CDC123: variants seen among roughly 807,000 people sequenced by gnomAD.
CDC123 encodes translation initiation factor eIF2 assembly protein.
In CDC123, 37 loss-of-function variants were observed where a neutral mutation model predicts 54.4. The ratio of observed to expected loss-of-function variants is 0.68; its 90% CI spans 0.52 to 0.89. The LOEUF (loss-of-function observed/expected upper bound fraction) is 0.89, where lower values mean the gene tolerates loss of function less well. Ranked by LOEUF, CDC123 falls within the 40% of genes least tolerant of loss-of-function variation. The pLI is 0.00. For synonymous variants in CDC123, 144 were observed against 136.8 expected (o/e 1.05, Z -0.37); for missense variants, 361 against 412.1 (o/e 0.88, Z 1.07).
chr10:12,211,876 A>G (rs1835607278), intron 4 of CDC123, among the ~76,000 whole-genome samples: 1 of 152,122 alleles, frequency 6.6e-6, no homozygotes. Context: ...TGGGAGGCCA[A>G]GGTGGGTGGA....
At chr10:12,233,166 T>C (rs1835925548) in intron 7 of CDC123, among the ~76,000 whole-genome samples, 1 of 152,150 alleles carries the variant, frequency 6.6e-6, no homozygotes, top group East Asian at 1.9e-4. Flanking sequence ...ATATAAGATT[T>C]AAAACCTAGT....
chr10:12,249,902 T>C, intron 12 of CDC123, 184 bp downstream of exon 12: 4 of 747,322 alleles, frequency 5.4e-6, no homozygotes, highest in Non-Finnish European at 8.1e-6. Context: ...CATAATTTAT[T>C]GATTAGAATG....
At chr10:12,219,712 TCTCA>T (rs1337675563) in intron 6 of CDC123, among the ~76,000 whole-genome samples, 3 of 136,906 alleles carry the variant, frequency 2.2e-5, no homozygotes, top group Non-Finnish European at 4.7e-5. Flanking sequence ...TTTGACGGAG[TCTCA>T]CTCTGTCGCC....
At chr10:12,241,282 T>C (rs1365214296) in intron 10 of CDC123, among the ~76,000 whole-genome samples, 1 of 152,240 alleles carries the variant, frequency 6.6e-6, no homozygotes, top group Non-Finnish European at 1.5e-5. Flanking sequence ...AGGCACTGTT[T>C]ATGTATTACA....
chr10:12,200,575 A>G (rs1426295266), intron 2 of CDC123, among the ~76,000 whole-genome samples: 1 of 152,218 alleles, frequency 6.6e-6, no homozygotes, highest in Non-Finnish European at 1.5e-5. Flanking sequence ...AAGAGCTCCT[A>G]TGATGATTCT....
intron 6 of CDC123, among the ~76,000 whole-genome samples, chr10:12,230,747 A>G (rs146322883): frequency 1.4e-3 from 210 of 152,332 alleles, no homozygotes; most frequent in African/African-American, 4.8e-3. Context: ...TCGATGATTA[A>G]ATGAGTTCAT....
chr10:12,200,953 T>G (rs945117667), intron 2 of CDC123, among the ~76,000 whole-genome samples: 5 of 152,050 alleles, frequency 3.3e-5, no homozygotes, highest in African/African-American at 1.2e-4. Flanking sequence ...AAAGTACTGT[T>G]AAACAACACG....
In CDC123 at chr10:12,206,696, T is replaced by C. The variant is rs145664976; in HGVS notation, c.147-3271T>C. 5.8e-3 allele frequency among the ~76,000 whole-genome samples: 889 copies of C among 152,232 alleles called. 5 individuals are homozygous for C. The highest frequency in any genetic ancestry group is 8.4e-3 in the Non-Finnish European group (568 of 68,010). The stretch of plus-strand genomic sequence containing the variant: ...GCATGAGGTCAGATGCGGTGGCTTA[T>C]GCCTGTAATCCCAGTGCTTTAGGAG... On this transcript the variant is annotated intron_variant, in intron 2 of 12. Coordinates refer to ENST00000281141, the MANE Select transcript of CDC123 (RefSeq NM_006023.3).
intron 1 of CDC123, among the ~76,000 whole-genome samples, chr10:12,197,928 G>A (rs961228184): frequency 2.0e-5 from 3 of 152,080 alleles, no homozygotes; most frequent in East Asian, 1.9e-4. Flanking sequence ...ATAAGTCATT[G>A]ATGTTCTGTT....
At chr10:12,238,627 G>A in intron 10 of CDC123, 142 bp downstream of exon 10, 5 of 984,818 alleles carry the variant, frequency 5.1e-6, no homozygotes, top group Non-Finnish European at 7.2e-6. Flanking sequence ...TGTATTCCCA[G>A]CACTTTGGGA....
chr10:12,230,504 G>A (rs1273768730), intron 6 of CDC123, among the ~76,000 whole-genome samples: 1 of 152,192 alleles, frequency 6.6e-6, no homozygotes, highest in Non-Finnish European at 1.5e-5. Context: ...GGGGTACATG[G>A]CATGTTTTGA....
chr10:12,225,990 C>G (rs1255367321), intron 6 of CDC123, among the ~76,000 whole-genome samples: 1 of 151,920 alleles, frequency 6.6e-6, no homozygotes, highest in East Asian at 1.9e-4. Context: ...CTTCAAGCAT[C>G]TGTTTAACAA....
At chr10:12,244,873 C>T (rs1393957231) in intron 10 of CDC123, 2 of 151,948 alleles carry the variant, frequency 1.3e-5, no homozygotes, top group African/African-American at 4.8e-5. Flanking sequence ...GCCAAGCATA[C>T]TGGCGCATGC....
chr10:12,238,877 C>CCA (rs1441567536), intron 10 of CDC123, among the ~76,000 whole-genome samples: 3 of 151,884 alleles, frequency 2.0e-5, no homozygotes, highest in African/African-American at 7.3e-5. Context: ...AAAAAATGAG[C>CCA]CAGGCATGGT....
At chr10:12,221,139 C>CA (rs549336570) in intron 6 of CDC123, among the ~76,000 whole-genome samples, 31 of 144,064 alleles carry the variant, frequency 2.2e-4, no homozygotes, top group East Asian at 8.0e-4. Context: ...CTTGACTTGA[C>CA]AAAAAAAAAA....
In CDC123 at chr10:12,230,085, A is replaced by G. The variant is rs541964234; in HGVS notation, c.441-863A>G. Among the ~76,000 whole-genome samples, 5 of 152,286 alleles carry G rather than the reference A, an allele frequency of 3.3e-5. No homozygotes were observed. In the South Asian group the frequency reaches 1.0e-3, roughly 32 times the overall value. On this transcript the variant is annotated intron_variant, in intron 6 of 12. Coordinates refer to ENST00000281141, the MANE Select transcript of CDC123 (RefSeq NM_006023.3). ...GCCTTTTGACAGAAAAATGGACATT[A>G]TGCTATCTCTATGGTTATAATAGCC...
intron 9 of CDC123, chr10:12,237,557 C>T: frequency 6.0e-6 from 1 of 165,906 alleles, no homozygotes; most frequent in Non-Finnish European, 1.3e-5. Context: ...CCTCAGCCTC[C>T]CAAGTAGCTG....
rs1835343417 is a variant in CDC123, at chr10:12,196,291, C to T, written c.46C>T (p.Pro16Ser). 1 of 1,613,636 alleles carries T rather than the reference C, an allele frequency of 6.2e-7. No individual in the cohort carries two copies. The highest frequency in any genetic ancestry group is 8.5e-7 in the Non-Finnish European group (1 of 1,179,846). Residue 16 changes from proline (P) to serine (S), a missense_variant, in exon 1 of 13, where the codon CCG (proline) becomes TCG (serine). Pro to Ser is a moderately conservative substitution (Grantham distance 74). Coordinates refer to ENST00000281141, the MANE Select transcript of CDC123 (RefSeq NM_006023.3). Reference protein sequence around the residue: ...VLHCQFSAWYPFFRGVTIKSV... With the variant: ...VLHCQFSAWYSFFRGVTIKSV... ...TCACTGCCAGTTCTCCGCGTGGTAC[C>T]CGTTCTTCCGAGGCGTTACCATCAA...
chr10:12,243,250 T>A (rs1836084153), intron 10 of CDC123, among the ~76,000 whole-genome samples: 1 of 151,670 alleles, frequency 6.6e-6, no homozygotes, highest in South Asian at 2.1e-4. Context: ...AATAGAAAAT[T>A]AGCCAGGCGT....
Sources: allele counts gnomAD v4.1 joint callset (sites outside exome capture counted in the v4.1 genomes callset), GRCh38; gene constraint gnomAD v4.1.1; transcripts MANE v1.5; gene names NCBI Gene and HGNC (gene_info 2026-07-23, HGNC 2026-07-21).